The following GALNT13 variants were observed in gnomAD, a reference collection of about 807,000 sequenced individuals.
GALNT13 encodes the protein polypeptide N-acetylgalactosaminyltransferase 13.
Under a neutral mutation model 64.2 loss-of-function variants are expected in GALNT13, and 28 were observed. The ratio of observed to expected loss-of-function variants is 0.44; its 90% CI spans 0.32 to 0.60. The LOEUF (loss-of-function observed/expected upper bound fraction) is 0.60, where lower values mean the gene tolerates loss of function less well. Among genes scored for constraint, GALNT13 ranks in the 20% least tolerant of loss-of-function variants. The probability of loss-of-function intolerance (pLI) is 0.05; values close to 1 mark genes in which losing one functional copy is unlikely to be tolerated. For missense variants in GALNT13, 577 were observed against 669.8 expected, an observed-to-expected ratio of 0.86 and a Z score of 1.53; for synonymous variants, 214 against 224.6, an observed-to-expected ratio of 0.95 and a Z score of 0.42.
chr2:153,192,045 T>C, the GALNT13 span, among the ~76,000 whole-genome samples: 1 of 152,032 alleles, frequency 6.6e-6, no homozygotes, highest in Non-Finnish European at 1.5e-5. Flanking sequence ...CTCTATTTAA[T>C]TGAGTTCTGC....
the GALNT13 span, among the ~76,000 whole-genome samples, chr2:153,710,988 T>A: frequency 6.6e-6 from 1 of 152,080 alleles, no homozygotes; most frequent in Non-Finnish European, 1.5e-5. Context: ...TTGATGTTTT[T>A]AAAAATATAA....
At chr2:154,375,406 C>T (rs1312904980) in intron 9 of GALNT13, among the ~76,000 whole-genome samples, 3 of 152,236 alleles carry the variant, frequency 2.0e-5, no homozygotes, top group East Asian at 3.9e-4. Flanking sequence ...CATCACCCTC[C>T]GGAAAAACCC....
intron 4 of GALNT13, among the ~76,000 whole-genome samples, chr2:154,172,005 C>A (rs1183841370): frequency 6.9e-6 from 1 of 144,974 alleles, no homozygotes; most frequent in Admixed American, 6.9e-5. Context: ...CACACACACA[C>A]AATGCTAAGC....
At chr2:154,334,773 T>G (rs1237785489) in intron 9 of GALNT13, among the ~76,000 whole-genome samples, 1 of 152,026 alleles carries the variant, frequency 6.6e-6, no homozygotes, top group Admixed American at 6.6e-5. Flanking sequence ...TCCAATCTTC[T>G]CTCCACTCCA....
the GALNT13 span, among the ~76,000 whole-genome samples, chr2:153,636,720 G>A: frequency 1.7e-3 from 256 of 152,136 alleles, 2 homozygotes; most frequent in African/African-American, 6.0e-3. Flanking sequence ...CTAATGCTGT[G>A]TACCATTTAA....
the GALNT13 span, among the ~76,000 whole-genome samples, chr2:153,626,681 C>A: frequency 6.6e-6 from 1 of 152,060 alleles, no homozygotes; most frequent in Non-Finnish European, 1.5e-5. Context: ...TTGGCTAAAT[C>A]AGGGATTGAC....
intron 3 of GALNT13, among the ~76,000 whole-genome samples, chr2:154,023,119 G>C (rs9714270): frequency 6.6e-6 from 1 of 152,238 alleles, no homozygotes; most frequent in African/African-American, 2.4e-5. Flanking sequence ...CAACTATGTG[G>C]CCAGTTTTGG....
the GALNT13 span, among the ~76,000 whole-genome samples, chr2:153,181,361 A>T: frequency 1.3e-5 from 2 of 150,990 alleles, no homozygotes; most frequent in African/African-American, 4.8e-5. Flanking sequence ...TACTGTCAAA[A>T]AAAAAAGGTA....
At chr2:153,905,699 G>A (rs1461188900) in intron 2 of GALNT13, among the ~76,000 whole-genome samples, 1 of 151,968 alleles carries the variant, frequency 6.6e-6, no homozygotes, top group Non-Finnish European at 1.5e-5. Flanking sequence ...GACAGAAGAA[G>A]CATTCTTACC....
At chr2:153,108,225 G>C in the GALNT13 span, among the ~76,000 whole-genome samples, 1 of 152,080 alleles carries the variant, frequency 6.6e-6, no homozygotes, top group East Asian at 1.9e-4. Context: ...GCCATTTGTT[G>C]CTATTGCAAT....
the GALNT13 span, among the ~76,000 whole-genome samples, chr2:153,420,158 C>T: frequency 5.3e-5 from 8 of 152,104 alleles, no homozygotes; most frequent in African/African-American, 1.9e-4. Context: ...ACATTTAGTA[C>T]ATATAAGGAC....
chr2:154,181,327 T>C (rs1685946653), intron 4 of GALNT13, among the ~76,000 whole-genome samples: 1 of 152,004 alleles, frequency 6.6e-6, no homozygotes, highest in Non-Finnish European at 1.5e-5. Context: ...AAAAGAAAAA[T>C]ATTTTATCCT....
chr2:153,082,573 TTATATA>T, the GALNT13 span, among the ~76,000 whole-genome samples: 396 of 40,466 alleles, frequency 9.8e-3, 12 homozygotes, highest in East Asian at 0.033. Flanking sequence ...TTAGGCTGGT[TTATATA>T]TATATATATA....
the GALNT13 span, among the ~76,000 whole-genome samples, chr2:153,532,931 G>A: frequency 6.6e-6 from 1 of 152,270 alleles, no homozygotes; most frequent in South Asian, 2.1e-4. Flanking sequence ...TAATACAAAA[G>A]ATAAATGCTT....
At chr2:153,491,262 T>C in the GALNT13 span, among the ~76,000 whole-genome samples, 1 of 151,898 alleles carries the variant, frequency 6.6e-6, no homozygotes, top group Non-Finnish European at 1.5e-5. Flanking sequence ...TTAACAGATA[T>C]ACAATAAATA....
chr2:153,507,644 T>C, the GALNT13 span, among the ~76,000 whole-genome samples: 2 of 152,216 alleles, frequency 1.3e-5, no homozygotes, highest in African/African-American at 2.4e-5. Flanking sequence ...AGCTTAATAA[T>C]TGACCTTCTG....
At chr2:153,193,148 A>G in the GALNT13 span, among the ~76,000 whole-genome samples, 1 of 151,964 alleles carries the variant, frequency 6.6e-6, no homozygotes. Context: ...ACACATGCAC[A>G]CGTATATTTA....
chr2:154,004,642 G>A (rs1049076801), intron 3 of GALNT13, among the ~76,000 whole-genome samples: 36 of 152,080 alleles, frequency 2.4e-4, no homozygotes, highest in African/African-American at 7.0e-4. Flanking sequence ...TATCTCAGTC[G>A]TACCATAGAT....
intron 3 of GALNT13, among the ~76,000 whole-genome samples, chr2:154,064,486 G>A (rs187213770): frequency 4.4e-4 from 67 of 152,258 alleles, no homozygotes; most frequent in Non-Finnish European, 7.9e-4. Context: ...TTCTGCTTAA[G>A]GAGAGGAGAG....
Sources: allele counts gnomAD v4.1 joint callset (sites outside exome capture counted in the v4.1 genomes callset), GRCh38; gene constraint gnomAD v4.1.1; transcripts MANE v1.5; gene names NCBI Gene and HGNC (gene_info 2026-07-23, HGNC 2026-07-21).